TBCD: variants seen among roughly 807,000 people sequenced by gnomAD.
TBCD encodes tubulin folding cofactor D, also known as tubulin-specific chaperone D.
TBCD carries 105 observed loss-of-function variants against 169.3 expected under a neutral mutation model. The ratio of observed to expected loss-of-function variants is 0.62; its 90% CI spans 0.53 to 0.73. The LOEUF (loss-of-function observed/expected upper bound fraction) is 0.73. Ranked by LOEUF, TBCD falls within the 30% of genes least tolerant of loss-of-function variation. TBCD has a pLI of 0.00. For synonymous variants in TBCD, 700 were observed against 643.9 expected (o/e 1.09, Z -1.32); for missense variants, 1,444 against 1,600.1 (o/e 0.90, Z 1.66).
At chr17:82,939,818 A>G (rs1160437464) in intron 37 of TBCD, among the ~76,000 whole-genome samples, 2 of 152,150 alleles carry the variant, frequency 1.3e-5, no homozygotes, top group Admixed American at 6.5e-5. Context: ...AGACCTCTCT[A>G]AAGTTCTCTT....
chr17:82,802,523 C>T (rs945990183), intron 9 of TBCD, among the ~76,000 whole-genome samples: 41 of 152,086 alleles, frequency 2.7e-4, no homozygotes, highest in Non-Finnish European at 2.9e-5. Flanking sequence ...TGTGTGTCGG[C>T]GAGGCTGTGA....
At chr17:82,850,538 AGCTGTGCTGTTGTTG>A (rs1434813805) in intron 13 of TBCD, among the ~76,000 whole-genome samples, 95 of 27,114 alleles carry the variant, frequency 3.5e-3, no homozygotes, top group Non-Finnish European at 5.8e-3. Flanking sequence ...TGCTGTTGTT[AGCTGTGCTGTTGTTG>A]GCTGTGCTGT....
intron 23 of TBCD, chr17:82,918,143 C>T (rs752364977): frequency 3.1e-5 from 5 of 159,558 alleles, no homozygotes; most frequent in Admixed American, 2.5e-4. Context: ...GTGTTGGAGC[C>T]GGGACTGCGG....
At chr17:82,834,421 G>C (rs953402753) in intron 13 of TBCD, among the ~76,000 whole-genome samples, 2 of 152,208 alleles carry the variant, frequency 1.3e-5, no homozygotes, top group African/African-American at 2.4e-5. Flanking sequence ...AAGGTCTTTA[G>C]GGTCTAAATA....
intron 15 of TBCD, among the ~76,000 whole-genome samples, chr17:82,887,558 G>C (rs1015629148): frequency 5.3e-5 from 8 of 152,174 alleles, no homozygotes; most frequent in Non-Finnish European, 1.0e-4. Context: ...ATGGTTTCTA[G>C]TCTTTAAGCT....
intron 20 of TBCD, 142 bp from the exon 21 acceptor site, chr17:82,907,619 G>C (rs775161304): frequency 7.1e-6 from 6 of 848,764 alleles, no homozygotes; most frequent in Non-Finnish European, 1.2e-5. Flanking sequence ...ACCTGAACAA[G>C]AATGAGACCT....
intron 22 of TBCD, among the ~76,000 whole-genome samples, chr17:82,910,589 A>ATTTTTT: frequency 6.6e-6 from 1 of 151,394 alleles, no homozygotes; most frequent in Non-Finnish European, 1.5e-5. Context: ...TTTTTGGAGA[A>ATTTTTT]GCAGTCTCAC....
intron 7 of TBCD, among the ~76,000 whole-genome samples, chr17:82,788,488 C>T (rs542493070): frequency 5.3e-5 from 8 of 152,066 alleles, no homozygotes; most frequent in African/African-American, 1.4e-4. Flanking sequence ...CTGTTAGGCT[C>T]GAGTCTCCCC....
chr17:82,844,900 C>T (rs530838303), intron 13 of TBCD, among the ~76,000 whole-genome samples: 13 of 152,290 alleles, frequency 8.5e-5, no homozygotes, highest in South Asian at 2.1e-4. Flanking sequence ...AGAAGCACCA[C>T]GCACCTGGCC....
intron 37 of TBCD, among the ~76,000 whole-genome samples, chr17:82,940,939 C>T (rs1054798064): frequency 6.6e-5 from 10 of 151,922 alleles, no homozygotes; most frequent in East Asian, 1.9e-4. Context: ...CTTCTCCTAT[C>T]GTTTAATCCC....
intron 13 of TBCD, chr17:82,830,478 TGTGG>T: frequency 6.2e-7 from 1 of 1,613,238 alleles, no homozygotes; most frequent in Non-Finnish European, 8.5e-7. Flanking sequence ...CGCCGGGGCC[TGTGG>T]GTGGGGCCCC....
chr17:82,876,224 G>C (rs947318792), intron 14 of TBCD, among the ~76,000 whole-genome samples: 1 of 152,220 alleles, frequency 6.6e-6, no homozygotes, highest in Non-Finnish European at 1.5e-5. Context: ...GGACAGGAAA[G>C]AGAATCCCTT....
Position 82,943,626 on chromosome 17 carries a change from C to T in TBCD, c.*1163C>T, listed in dbSNP as rs2063481929. 7 of 152,248 alleles carry T rather than the reference C, an allele frequency of 4.6e-5. No individual in the cohort carries two copies. Among genetic ancestry groups the T allele is most frequent in the Admixed American group, 4.6e-4 (7 of 15,284 alleles). The allele number at this position is 152,248 out of a possible 1,614,324, so 9.4% of individuals were successfully genotyped here. On this transcript the variant is annotated 3_prime_UTR_variant, in exon 39 of 39. Coordinates refer to ENST00000355528, the MANE Select transcript of TBCD (RefSeq NM_005993.5). Reference sequence around the variant, plus strand: ...GAGGCTTGTGAGGTCACCAGGACCACAAGACCAGGACTGTGACAGTCCGTG... The same window carrying T: ...GAGGCTTGTGAGGTCACCAGGACCATAAGACCAGGACTGTGACAGTCCGTG...
chr17:82,778,798 A>G (rs1333310860), intron 6 of TBCD, among the ~76,000 whole-genome samples: 2 of 151,754 alleles, frequency 1.3e-5, no homozygotes, highest in Non-Finnish European at 1.5e-5. Flanking sequence ...AGTAGCTAGG[A>G]TTACAGGTGT....
intron 13 of TBCD, among the ~76,000 whole-genome samples, chr17:82,856,020 TA>T (rs2056253945): frequency 7.2e-6 from 1 of 138,018 alleles, no homozygotes; most frequent in African/African-American, 2.8e-5. Context: ...TTTTTTTTTG[TA>T]GAGACAGGGT....
At chr17:82,942,344 A>C in intron 38 of TBCD, 105 bp from the exon 39 acceptor site, 57 of 1,527,402 alleles carry the variant, frequency 3.7e-5, no homozygotes, top group Non-Finnish European at 4.8e-5. Context: ...TTCCTGCAGG[A>C]ACCGTGTCAG....
chr17:82,926,396 C>G lies in TBCD; in HGVS notation c.2380-4C>G, dbSNP rs1462194088. Reference sequence around the variant, plus strand: ...TTCTTCTGTGATTCTTTATTGCTTTCCAGGTTCTCACAGGTTTAAGAGCAG... The same window carrying G: ...TTCTTCTGTGATTCTTTATTGCTTTGCAGGTTCTCACAGGTTTAAGAGCAG... On this transcript the variant is annotated splice_region_variant and splice_polypyrimidine_tract_variant and intron_variant, in intron 27 of 38. Coordinates refer to ENST00000355528, the MANE Select transcript of TBCD (RefSeq NM_005993.5). 1 of 1,613,632 alleles carries G rather than the reference C, an allele frequency of 6.2e-7. No individual in the cohort carries two copies. The highest frequency in any genetic ancestry group is 8.5e-7 in the Non-Finnish European group (1 of 1,179,664).
intron 16 of TBCD, chr17:82,893,279 T>G: frequency 2.1e-6 from 1 of 483,952 alleles, no homozygotes; most frequent in Non-Finnish European, 3.7e-6. Flanking sequence ...CGTACCGAAG[T>G]GGAAATGTTT....
intron 13 of TBCD, among the ~76,000 whole-genome samples, chr17:82,837,534 C>T (rs1014435775): frequency 2.6e-5 from 4 of 152,106 alleles, no homozygotes; most frequent in Non-Finnish European, 5.9e-5. Context: ...ATAACATGCC[C>T]GGAGAGCTGT....
Sources: gnomAD v4.1 joint callset for allele counts (sites outside exome capture counted in the v4.1 genomes callset) on GRCh38, gnomAD v4.1.1 for gene constraint, MANE v1.5 for transcripts, NCBI Gene and HGNC (gene_info 2026-07-23, HGNC 2026-07-21) for gene names.